The following GRIP1 variants were observed in gnomAD, a reference collection of about 807,000 sequenced individuals.
GRIP1 encodes glutamate receptor-interacting protein 1.
GRIP1 carries 45 observed loss-of-function variants against 129.9 expected under a neutral mutation model. The observed-to-expected ratio is 0.35, with a 90% CI of 0.27 to 0.44. The LOEUF (loss-of-function observed/expected upper bound fraction) is 0.44. GRIP1 is among the 20% of genes least tolerant of loss of function. The probability of loss-of-function intolerance (pLI) is 1.00; values close to 1 mark genes in which losing one functional copy is unlikely to be tolerated. For synonymous variants in GRIP1, 530 were observed against 520.8 expected (o/e 1.02, Z -0.24); for missense variants, 1,196 against 1,396.8 (o/e 0.86, Z 2.29).
At chr12:66,732,256 A>G (rs1207290740) in intron 1 of GRIP1, among the ~76,000 whole-genome samples, 1 of 152,140 alleles carries the variant, frequency 6.6e-6, no homozygotes, top group Admixed American at 6.5e-5. Context: ...TGATAAGCAT[A>G]AAGACCTTTC....
At chr12:66,937,118 G>A (rs965100092) in intron 1 of GRIP1, among the ~76,000 whole-genome samples, 2 of 152,022 alleles carry the variant, frequency 1.3e-5, no homozygotes, top group Non-Finnish European at 2.9e-5. Context: ...CTTCGCACTT[G>A]CTGTTCCCTC....
intron 1 of GRIP1, among the ~76,000 whole-genome samples, chr12:66,614,599 T>A (rs1351895161): frequency 2.0e-5 from 3 of 152,134 alleles, no homozygotes; most frequent in Non-Finnish European, 4.4e-5. Context: ...ATCTATCTAC[T>A]ATGCATGCAT....
chr12:66,609,860 T>A (rs2064713871), intron 1 of GRIP1, among the ~76,000 whole-genome samples: 1 of 152,156 alleles, frequency 6.6e-6, no homozygotes, highest in African/African-American at 2.4e-5. Flanking sequence ...ATTTTATTGT[T>A]GAATCTGCTT....
At chr12:67,046,470 A>C (rs2043256004) in intron 1 of GRIP1, among the ~76,000 whole-genome samples, 1 of 152,220 alleles carries the variant, frequency 6.6e-6, no homozygotes, top group South Asian at 2.1e-4. Context: ...ATTTCATGTT[A>C]ATTTTAATAA....
intron 1 of GRIP1, among the ~76,000 whole-genome samples, chr12:66,770,494 C>CT (rs1446158241): frequency 3.9e-5 from 6 of 152,042 alleles, no homozygotes; most frequent in Non-Finnish European, 5.9e-5. Context: ...ATGGGACAGA[C>CT]TTTTTTTAAT....
intron 1 of GRIP1, among the ~76,000 whole-genome samples, chr12:66,729,522 G>A (rs2036362854): frequency 6.6e-6 from 1 of 152,152 alleles, no homozygotes; most frequent in Admixed American, 6.5e-5. Context: ...ACTTGAATGG[G>A]TAAGTAATTT....
chr12:66,687,399 T>C (rs1025653572), intron 1 of GRIP1, among the ~76,000 whole-genome samples: 4 of 151,840 alleles, frequency 2.6e-5, no homozygotes, highest in Admixed American at 1.3e-4. Context: ...GATGGTAGAG[T>C]TGAAAGATGT....
At chr12:66,377,586 G>T (rs565597768) in intron 20 of GRIP1, among the ~76,000 whole-genome samples, 4 of 145,672 alleles carry the variant, frequency 2.7e-5, no homozygotes, top group African/African-American at 1.0e-4. Context: ...TGATCCGCCC[G>T]CCTCGGCCTC....
At chr12:66,780,146 C>T (rs2038109659) in intron 1 of GRIP1, among the ~76,000 whole-genome samples, 1 of 152,182 alleles carries the variant, frequency 6.6e-6, no homozygotes, top group South Asian at 2.1e-4. Flanking sequence ...AAGGACAACA[C>T]ATACATCAAA....
At chr12:66,871,370 C>A (rs1477091845) in intron 1 of GRIP1, among the ~76,000 whole-genome samples, 2 of 152,112 alleles carry the variant, frequency 1.3e-5, no homozygotes, top group Non-Finnish European at 2.9e-5. Flanking sequence ...CTACTAAAAT[C>A]TCTATCAATG....
chr12:66,925,912 G>T (rs927931286), intron 1 of GRIP1, among the ~76,000 whole-genome samples: 4 of 152,168 alleles, frequency 2.6e-5, no homozygotes, highest in Non-Finnish European at 5.9e-5. Context: ...CCAAAGTGCT[G>T]GGATTATAGG....
chr12:66,772,235 C>A (rs1055218355), intron 1 of GRIP1, among the ~76,000 whole-genome samples: 6 of 152,202 alleles, frequency 3.9e-5, no homozygotes, highest in African/African-American at 1.2e-4. Flanking sequence ...CTAGAGCTCT[C>A]CATCCCATCC....
At chr12:66,873,921 G>C (rs186307531) in intron 1 of GRIP1, among the ~76,000 whole-genome samples, 12 of 151,984 alleles carry the variant, frequency 7.9e-5, no homozygotes, top group Non-Finnish European at 8.8e-5. Context: ...ATTCAATTAC[G>C]TTTCTCTACA....
chr12:66,414,950 A>AAAATAAAATC (rs2057539297), intron 15 of GRIP1, among the ~76,000 whole-genome samples: 1 of 127,228 alleles, frequency 7.9e-6, no homozygotes. Context: ...AAAATAAAAT[A>AAAATAAAATC]AAATAAAATA....
At chr12:66,749,825 C>A (rs1331205729) in intron 1 of GRIP1, among the ~76,000 whole-genome samples, 1 of 152,172 alleles carries the variant, frequency 6.6e-6, no homozygotes, top group Non-Finnish European at 1.5e-5. Context: ...GATGTCAGAG[C>A]AGCAGCATAG....
chr12:66,624,096 A>G (rs927149380), intron 1 of GRIP1, among the ~76,000 whole-genome samples: 2 of 152,176 alleles, frequency 1.3e-5, no homozygotes, highest in African/African-American at 2.4e-5. Context: ...TTTATCCTCT[A>G]GGAGTCAGTA....
intron 2 of GRIP1, among the ~76,000 whole-genome samples, chr12:66,577,937 G>C (rs190229639): frequency 2.0e-5 from 3 of 152,274 alleles, no homozygotes; most frequent in Non-Finnish European, 4.4e-5. Context: ...CTGGCTGACA[G>C]AGCAAGATCC....
chr12:66,707,589 C>A (rs976436825), intron 1 of GRIP1, among the ~76,000 whole-genome samples: 21 of 149,370 alleles, frequency 1.4e-4, no homozygotes, highest in Non-Finnish European at 3.0e-4. Flanking sequence ...TCTCCTAGCA[C>A]TTCAAGTAAC....
Position 66,398,881 on chromosome 12 carries a change from C to T in GRIP1, c.1985-4529G>A, listed in dbSNP as rs76918292. Reference sequence around the variant, plus strand: ...CTTTCACTCTATGTTTTAAGGATCTCGCTACTTGGTTCTTCATTAGAATAA... The same window carrying T: ...CTTTCACTCTATGTTTTAAGGATCTTGCTACTTGGTTCTTCATTAGAATAA... On this transcript the variant is annotated intron_variant, in intron 16 of 24. Transcript: ENST00000359742. Among the ~76,000 whole-genome samples, 47 of 152,048 alleles carry T rather than the reference C, an allele frequency of 3.1e-4. 1 individual carries two copies. Among genetic ancestry groups the T allele is most frequent in the East Asian group, 1.2e-3 (6 of 5,182 alleles).
Sources: gnomAD v4.1 joint callset for allele counts (sites outside exome capture counted in the v4.1 genomes callset) on GRCh38, gnomAD v4.1.1 for gene constraint, MANE v1.5 for transcripts, NCBI Gene and HGNC (gene_info 2026-07-23, HGNC 2026-07-21) for gene names.